Variants in MARCHF1 observed in about 807,000 individuals in gnomAD.
MARCHF1 encodes the protein E3 ubiquitin-protein ligase MARCHF1.
MARCHF1 carries 40 observed loss-of-function variants against 54.2 expected under a neutral mutation model. That is an observed-to-expected ratio of 0.74 (90% CI 0.57 to 0.96). MARCHF1 has a LOEUF of 0.96. MARCHF1 is among the 40% of genes least tolerant of loss of function. MARCHF1 has a pLI of 0.00. For synonymous variants in MARCHF1, 236 were observed against 236.3 expected, an observed-to-expected ratio of 1.00 and a Z score of 0.01; for missense variants, 586 against 656.5, an observed-to-expected ratio of 0.89 and a Z score of 1.17.
At chr4:163,613,613 T>G in intron 5 of MARCHF1, 1 of 1,433,268 alleles carries the variant, frequency 7.0e-7, no homozygotes, top group Non-Finnish European at 9.1e-7. Context: ...TATTTTGCTG[T>G]TACTTCATTT....
intron 1 of MARCHF1, among the ~76,000 whole-genome samples, chr4:164,165,716 T>C (rs1433738201): frequency 1.3e-5 from 2 of 152,004 alleles, no homozygotes. Flanking sequence ...CATTTTAGAT[T>C]AATACTGGGG....
At chr4:164,150,058 C>G (rs909380667) in intron 1 of MARCHF1, among the ~76,000 whole-genome samples, 3 of 152,078 alleles carry the variant, frequency 2.0e-5, no homozygotes, top group Non-Finnish European at 4.4e-5. Context: ...TGTGATGGAA[C>G]AGTTACTGCC....
At chr4:164,132,884 T>A (rs768994275) in intron 1 of MARCHF1, among the ~76,000 whole-genome samples, 1 of 152,124 alleles carries the variant, frequency 6.6e-6, no homozygotes, top group Non-Finnish European at 1.5e-5. Context: ...AAATATATAT[T>A]ATAATCAATT....
intron 4 of MARCHF1, among the ~76,000 whole-genome samples, chr4:163,827,521 T>G (rs1748888074): frequency 1.3e-5 from 2 of 152,186 alleles, no homozygotes; most frequent in African/African-American, 4.8e-5. Context: ...ATTAGTGTAT[T>G]GCTTCTAAGA....
chr4:163,748,235 T>C (rs1666894817), intron 4 of MARCHF1, among the ~76,000 whole-genome samples: 1 of 152,158 alleles, frequency 6.6e-6, no homozygotes, highest in African/African-American at 2.4e-5. Context: ...AAGATTTGCG[T>C]CCTTTCCCTA....
At chr4:163,645,379 C>T (rs927052656) in intron 5 of MARCHF1, among the ~76,000 whole-genome samples, 2 of 152,148 alleles carry the variant, frequency 1.3e-5, no homozygotes, top group Non-Finnish European at 2.9e-5. Context: ...AAAGCCTTAA[C>T]CTGCCAAAAC....
chr4:164,329,488 G>A (rs1000649404), intron 1 of MARCHF1, among the ~76,000 whole-genome samples: 1 of 152,202 alleles, frequency 6.6e-6, no homozygotes, highest in African/African-American at 2.4e-5. Context: ...TACAAGGGCT[G>A]AGCCCCATCT....
At chr4:164,225,121 C>T (rs555939299) in intron 1 of MARCHF1, among the ~76,000 whole-genome samples, 4 of 152,046 alleles carry the variant, frequency 2.6e-5, no homozygotes, top group Non-Finnish European at 5.9e-5. Context: ...ACAATCTACT[C>T]TGGACCAGAG....
intron 4 of MARCHF1, among the ~76,000 whole-genome samples, chr4:163,839,601 A>G (rs1289377216): frequency 6.6e-6 from 1 of 152,128 alleles, no homozygotes; most frequent in African/African-American, 2.4e-5. Context: ...GTCAGTCACA[A>G]AAGACTACAT....
intron 4 of MARCHF1, among the ~76,000 whole-genome samples, chr4:163,813,214 C>T (rs1040000882): frequency 6.6e-6 from 1 of 152,130 alleles, no homozygotes; most frequent in Non-Finnish European, 1.5e-5. Context: ...GGAAAATAAC[C>T]CTTATACTAT....
At chr4:164,188,572 T>C in intron 1 of MARCHF1, 1 of 788,668 alleles carries the variant, frequency 1.3e-6, no homozygotes, top group South Asian at 1.3e-5. Context: ...CGCGGTCCTA[T>C]GTGCCCTTCA....
At chr4:163,916,649 T>C (rs1560818337) in intron 3 of MARCHF1, among the ~76,000 whole-genome samples, 1 of 152,140 alleles carries the variant, frequency 6.6e-6, no homozygotes, top group Non-Finnish European at 1.5e-5. Flanking sequence ...CAGTGCCGCA[T>C]GTATCTTCTT....
intron 2 of MARCHF1, among the ~76,000 whole-genome samples, chr4:164,108,784 T>G (rs566862057): frequency 1.2e-4 from 18 of 152,130 alleles, no homozygotes; most frequent in Non-Finnish European, 1.9e-4. Context: ...AAGCTAAAAT[T>G]GCTAATTTAA....
chr4:163,706,265 G>T (rs1210762869), intron 4 of MARCHF1, among the ~76,000 whole-genome samples: 1 of 152,006 alleles, frequency 6.6e-6, no homozygotes, highest in Admixed American at 6.6e-5. Flanking sequence ...CAAGACAGAA[G>T]GCCACAAATC....
intron 1 of MARCHF1, among the ~76,000 whole-genome samples, chr4:164,150,476 T>C (rs949802405): frequency 6.6e-6 from 1 of 152,170 alleles, no homozygotes. Context: ...ACAGGTATTC[T>C]TTAAAAAAGC....
At chr4:164,013,423 A>T (rs1753468169) in intron 2 of MARCHF1, among the ~76,000 whole-genome samples, 1 of 152,194 alleles carries the variant, frequency 6.6e-6, no homozygotes, top group Non-Finnish European at 1.5e-5. Flanking sequence ...CCTCAAAAGG[A>T]CAAATATAGG....
chr4:164,049,045 T>C (rs1409116881), intron 2 of MARCHF1, among the ~76,000 whole-genome samples: 1 of 152,222 alleles, frequency 6.6e-6, no homozygotes, highest in Non-Finnish European at 1.5e-5. Context: ...TTAAAAACAC[T>C]TTCAGGTTCA....
At chr4:163,560,501 T>C (rs559696841) in intron 8 of MARCHF1, among the ~76,000 whole-genome samples, 11 of 152,206 alleles carry the variant, frequency 7.2e-5, no homozygotes, top group Non-Finnish European at 1.6e-4. Flanking sequence ...TTGGCTATTC[T>C]AGTTCTTTTG....
chr4:164,006,056 C>T (rs753556045), intron 2 of MARCHF1, among the ~76,000 whole-genome samples: 4 of 151,532 alleles, frequency 2.6e-5, no homozygotes, highest in South Asian at 2.1e-4. Flanking sequence ...TGTATACCCA[C>T]GAGAAACAAA....
Sources: allele counts gnomAD v4.1 joint callset (sites outside exome capture counted in the v4.1 genomes callset), GRCh38; gene constraint gnomAD v4.1.1; transcripts MANE v1.5; gene names NCBI Gene and HGNC (gene_info 2026-07-23, HGNC 2026-07-21).